The following SEL1L3 variants were observed in gnomAD, a reference collection of about 807,000 sequenced individuals.
SEL1L3 encodes protein sel-1 homolog 3.
A neutral mutation model predicts 142.8 loss-of-function variants in SEL1L3; 76 were observed. The ratio of observed to expected loss-of-function variants is 0.53; its 90% CI spans 0.44 to 0.64. SEL1L3 has a LOEUF of 0.64. Among genes scored for constraint, SEL1L3 ranks in the 30% least tolerant of loss-of-function variants. The pLI is 0.00. For missense variants in SEL1L3, 1,262 were observed against 1,381.7 expected (o/e 0.91, Z 1.37); for synonymous variants, 504 against 519.6 (o/e 0.97, Z 0.41).
chr4:25,827,496 C>T (rs778330677), intron 6 of SEL1L3, among the ~76,000 whole-genome samples: 2 of 152,204 alleles, frequency 1.3e-5, no homozygotes, highest in Non-Finnish European at 1.5e-5. Context: ...CATGGGAGCA[C>T]GGCCCTGCCA....
At chr4:25,724,973 T>C in the SEL1L3 span, among the ~76,000 whole-genome samples, 1 of 152,008 alleles carries the variant, frequency 6.6e-6, no homozygotes, top group Non-Finnish European at 1.5e-5. Context: ...TGTCTGTGCA[T>C]GAGTCCCACT....
At chr4:25,739,177 C>A in the SEL1L3 span, among the ~76,000 whole-genome samples, 1 of 152,062 alleles carries the variant, frequency 6.6e-6, no homozygotes, top group East Asian at 1.9e-4. Context: ...CCACTGCACT[C>A]CAGCCTGGGC....
the SEL1L3 span, among the ~76,000 whole-genome samples, chr4:25,734,984 T>C: frequency 1.1e-5 from 1 of 92,220 alleles, no homozygotes; most frequent in African/African-American, 4.3e-5. Flanking sequence ...TTCAGAAGTA[T>C]TTTTTTTCTT....
chr4:25,852,769 C>T (rs1716989752), intron 1 of SEL1L3, among the ~76,000 whole-genome samples: 1 of 152,174 alleles, frequency 6.6e-6, no homozygotes, highest in Non-Finnish European at 1.5e-5. Context: ...CTTCCTCATT[C>T]CTTTCATGTA....
chr4:25,847,244 G>A, intron 2 of SEL1L3, 50 bp downstream of exon 2: 2 of 1,459,542 alleles, frequency 1.4e-6, no homozygotes, highest in South Asian at 1.3e-5. Context: ...TCATGATACA[G>A]GCTATCTGAA....
At chr4:25,744,992 A>G (rs375388712), downstream of SEL1L3, among the ~76,000 whole-genome samples, 12 of 152,152 alleles carry the variant, frequency 7.9e-5, no homozygotes, top group African/African-American at 2.9e-4. Context: ...TGGCAGCCCC[A>G]GCAAACTAAT....
downstream of SEL1L3, chr4:25,747,385 T>A (rs985015034): frequency 1.3e-5 from 2 of 152,110 alleles, no homozygotes; most frequent in African/African-American, 2.4e-5. Flanking sequence ...AGACTTTATA[T>A]GGTGACAGTA....
chr4:25,829,880 TTTCTTGCTCA>T (rs1715325799), intron 6 of SEL1L3, among the ~76,000 whole-genome samples: 1 of 152,184 alleles, frequency 6.6e-6, no homozygotes, highest in South Asian at 2.1e-4. Flanking sequence ...AGGACTAGTT[TTTCTTGCTCA>T]GAAAAAAAGG....
At position 25,854,103 on chromosome 4, in the gene SEL1L3, AG is replaced by A. The variant is rs571100505; in HGVS notation, c.163-6240del. ...GAGGTCAGCTGACTTTCTTGGGAAA[AG>A]AAAAATAGCCAGATGGTAAATATTT... is the stretch of plus-strand genomic sequence containing the variant. On this transcript the variant is annotated intron_variant, in intron 1 of 23. Coordinates refer to ENST00000399878, the MANE Select transcript of SEL1L3 (RefSeq NM_015187.5). Among the ~76,000 whole-genome samples, 173 of 152,144 alleles carry A rather than the reference AG, an allele frequency of 1.1e-3. 1 individual carries two copies. The highest frequency in any genetic ancestry group is 3.8e-3 in the African/African-American group (158 of 41,436).
intron 23 of SEL1L3, among the ~76,000 whole-genome samples, chr4:25,751,633 T>C (rs1717595719): frequency 6.7e-6 from 1 of 149,896 alleles, no homozygotes; most frequent in Non-Finnish European, 1.5e-5. Context: ...AGAATACATA[T>C]ATTTATATGT....
chr4:25,764,075 C>G (rs1370650999), intron 20 of SEL1L3, among the ~76,000 whole-genome samples: 3 of 152,148 alleles, frequency 2.0e-5, no homozygotes, highest in Non-Finnish European at 4.4e-5. Flanking sequence ...GTTAGAACAG[C>G]ATGGTAATAA....
chr4:25,788,155 G>T lies in SEL1L3; in HGVS notation c.2217+69C>A, dbSNP rs543969569. 4.6e-6 allele frequency: 7 copies of T among 1,525,772 alleles called. No homozygotes were observed. Among genetic ancestry groups the T allele is most frequent in the Non-Finnish European group, 6.3e-6 (7 of 1,116,944 alleles). The allele number at this position is 1,525,772 out of a possible 1,614,324, so 94.5% of individuals were successfully genotyped here. On this transcript the variant is annotated intron_variant, in intron 13 of 23. Transcript: ENST00000399878. This position sits in a 1 kb window ranked among gnomAD's most constrained non-coding sequence, Gnocchi z 5.3. ...TTATCGACTCCCTGTTTGCCAGCCC[G>T]CCCACAGGAAACTGCTCAGGAGTCT...
At chr4:25,826,071 A>C (rs1201461566) in intron 6 of SEL1L3, among the ~76,000 whole-genome samples, 1 of 152,080 alleles carries the variant, frequency 6.6e-6, no homozygotes, top group African/African-American at 2.4e-5. Flanking sequence ...TTATTTGTGA[A>C]TTTGTTTTCT....
At chr4:25,820,069 C>A (rs998970682) in intron 7 of SEL1L3, 129 bp from the exon 8 acceptor site, 19 of 792,838 alleles carry the variant, frequency 2.4e-5, no homozygotes, top group Middle Eastern at 3.4e-4. Context: ...GTACACATAT[C>A]ATCCACTCTG....
chr4:25,812,576 G>T (rs1420127590), intron 9 of SEL1L3, among the ~76,000 whole-genome samples: 2 of 150,450 alleles, frequency 1.3e-5, no homozygotes, highest in Non-Finnish European at 3.0e-5. Context: ...GCCAGGTGTG[G>T]CTGCAGGCAT....
intron 9 of SEL1L3, among the ~76,000 whole-genome samples, chr4:25,813,051 G>A (rs1048200409): frequency 2.0e-5 from 3 of 152,132 alleles, no homozygotes; most frequent in African/African-American, 7.2e-5. Flanking sequence ...AATAACAAGT[G>A]TTTCTGAGGA....
chr4:25,848,874 C>G (rs1716710795), intron 1 of SEL1L3, among the ~76,000 whole-genome samples: 1 of 152,248 alleles, frequency 6.6e-6, no homozygotes, highest in Non-Finnish European at 1.5e-5. Context: ...CGTGGTGGCT[C>G]ATGCCTTCAA....
At chr4:25,736,425 T>C in the SEL1L3 span, among the ~76,000 whole-genome samples, 1 of 151,794 alleles carries the variant, frequency 6.6e-6, no homozygotes, top group South Asian at 2.1e-4. Flanking sequence ...GGTTTCATCA[T>C]GTTGGCCACG....
chr4:25,842,671 A>G (rs1716245572), intron 2 of SEL1L3, among the ~76,000 whole-genome samples: 1 of 152,240 alleles, frequency 6.6e-6, no homozygotes. Flanking sequence ...CAAGGGTATC[A>G]GTGTGTGATG....
Sources: allele counts gnomAD v4.1 joint callset (sites outside exome capture counted in the v4.1 genomes callset), GRCh38; gene constraint gnomAD v4.1.1; non-coding constraint Gnocchi (gnomAD v3.1); transcripts MANE v1.5; gene names NCBI Gene and HGNC (gene_info 2026-07-23, HGNC 2026-07-21).